Variants in CYFIP1 observed in about 807,000 individuals in gnomAD.
CYFIP1 encodes the protein cytoplasmic FMR1-interacting protein 1.
Under a neutral mutation model 163.5 loss-of-function variants are expected in CYFIP1, and 58 were observed. The observed-to-expected ratio is 0.35, with a 90% CI of 0.29 to 0.44. CYFIP1 has a LOEUF of 0.44. Among genes scored for constraint, CYFIP1 ranks in the 20% least tolerant of loss-of-function variants. The pLI is 1.00. For synonymous variants in CYFIP1, 663 were observed against 660.7 expected (o/e 1.00, Z -0.05); for missense variants, 1,338 against 1,653.8 (o/e 0.81, Z 3.31).
chr15:22,869,606 AACT>A lies in CYFIP1; in HGVS notation c.*419_*421del, dbSNP rs2059363669. Reference sequence around the variant, plus strand: ...AAAAGGGATGGGAACAATGACTTAGAACTAAGATTGCTCATAAAAGACCATCAG... The same window carrying A: ...AAAAGGGATGGGAACAATGACTTAGAAAGATTGCTCATAAAAGACCATCAG... On this transcript the variant is annotated 3_prime_UTR_variant, in exon 31 of 31. Transcript: ENST00000617928. 6.5e-6 allele frequency: 1 copy of A among 154,130 alleles called. No individual in the cohort carries two copies. The highest frequency in any genetic ancestry group is 6.5e-5 in the Admixed American group (1 of 15,316). The allele number at this position is 154,130 out of a possible 1,614,324, so 9.5% of individuals were successfully genotyped here. A position where few individuals can be genotyped will look rare whatever the true frequency, so the allele number is the denominator to read the frequency against.
At chr15:22,893,000 AG>A (rs2060121602) in intron 22 of CYFIP1, 23 bp from the exon 23 acceptor site, 1 of 1,571,292 alleles carries the variant, frequency 6.4e-7, no homozygotes, top group Non-Finnish European at 8.7e-7. Flanking sequence ...GATTTAAAAA[AG>A]AAAAAGAAAC....
chr15:22,910,878 A>G, intron 18 of CYFIP1, 65 bp from the exon 19 acceptor site: 1 of 1,417,042 alleles, frequency 7.1e-7, no homozygotes, highest in Non-Finnish European at 9.9e-7. Flanking sequence ...AACAAGGTGA[A>G]AAACAAAATG....
chr15:22,917,941 C>T lies in CYFIP1; in HGVS notation c.1527-6G>A. 3 of 1,612,866 alleles carry T rather than the reference C, an allele frequency of 1.9e-6. No homozygotes were observed. Among genetic ancestry groups the T allele is most frequent in the Non-Finnish European group, 2.5e-6 (3 of 1,179,522 alleles). On this transcript the variant is annotated splice_polypyrimidine_tract_variant and splice_region_variant and intron_variant, in intron 14 of 30. Transcript: ENST00000617928. The surrounding 1 kb of genome is among the most constrained non-coding windows in gnomAD (Gnocchi z 4.2). ...TCCTGATGGCCTGCAGGACACTGAA[C>T]ACCCCACCAAGTGATCAGCAAGGCC...
At chr15:22,937,474 G>A (rs1462254668) in intron 8 of CYFIP1, among the ~76,000 whole-genome samples, 2 of 152,186 alleles carry the variant, frequency 1.3e-5, no homozygotes, top group East Asian at 1.9e-4. Flanking sequence ...CCAAGCGGTA[G>A]GGATATTCTA....
At chr15:22,913,174 C>G (rs1203140816) in intron 17 of CYFIP1, among the ~76,000 whole-genome samples, 1 of 143,486 alleles carries the variant, frequency 7.0e-6, no homozygotes, top group East Asian at 2.1e-4. Context: ...CCAGCCTGGG[C>G]AATAGAGCAA....
chr15:22,940,252 C>A (rs2061785208), intron 6 of CYFIP1, among the ~76,000 whole-genome samples: 1 of 152,148 alleles, frequency 6.6e-6, no homozygotes, highest in African/African-American at 2.4e-5. Flanking sequence ...GGCTGATAAC[C>A]TACACCAACA....
chr15:22,942,305 G>T (rs1187437381), intron 6 of CYFIP1, among the ~76,000 whole-genome samples: 1 of 152,176 alleles, frequency 6.6e-6, no homozygotes, highest in East Asian at 1.9e-4. Context: ...AGGTCTCTTC[G>T]AATTTAATTT....
At chr15:22,935,966 G>A (rs2061698749) in intron 9 of CYFIP1, among the ~76,000 whole-genome samples, 1 of 152,162 alleles carries the variant, frequency 6.6e-6, no homozygotes, top group African/African-American at 2.4e-5. Context: ...TCTTAGGGGA[G>A]AATACATGTA....
rs894277509 is a variant in CYFIP1, at chr15:22,880,140, G to A, written c.2912-97C>T. 4.8e-5 allele frequency: 72 copies of A among 1,508,074 alleles called. No individual in the cohort carries two copies. In the East Asian group the frequency reaches 7.0e-4, roughly 15 times the overall value. 93.4% of individuals were successfully genotyped at this position (1,508,074 alleles called of 1,614,324 possible). A position where few individuals can be genotyped will look rare whatever the true frequency, so the allele number is the denominator to read the frequency against. On this transcript the variant is annotated intron_variant, in intron 25 of 30. Transcript: ENST00000617928. Reference sequence around the variant, plus strand: ...CAGGAGCACCTGCCGTTCTGACACCGCCATCAAGCCTGGCTATAAGGACAG... The same window carrying A: ...CAGGAGCACCTGCCGTTCTGACACCACCATCAAGCCTGGCTATAAGGACAG...
At chr15:22,943,456 CG>C in intron 5 of CYFIP1, 102 bp from the exon 6 acceptor site, 5 of 1,299,880 alleles carry the variant, frequency 3.8e-6, no homozygotes, top group Non-Finnish European at 5.3e-6. Context: ...CGATGAGAAA[CG>C]ATCTGCCCAG....
chr15:22,980,178 G>GGA (rs1555428505), intron 1 of CYFIP1, 109 bp downstream of exon 1: 8 of 8,176 alleles, frequency 9.8e-4, no homozygotes, highest in Non-Finnish European at 2.3e-3. Flanking sequence ...TTGGGGGGGA[G>GGA]GGGGGGGTCC....
At position 22,870,198 on chromosome 15, in the gene CYFIP1, A is replaced by AC. The variant is rs1378801651; in HGVS notation, c.3598-7dup. The AC allele has an allele frequency of 6.2e-7, 1 of 1,602,616 alleles. No homozygotes were observed. The highest frequency in any genetic ancestry group is 8.5e-7 in the Non-Finnish European group (1 of 1,176,158). ...TCCACCATCTTCTTCAAAGGCTACA[A>AC]CCATCAAAGTGAGGATGTTTTACTA... is the stretch of plus-strand genomic sequence containing the variant. On this transcript the variant is annotated splice_polypyrimidine_tract_variant and splice_region_variant and intron_variant, in intron 30 of 30. Coordinates refer to ENST00000617928, the MANE Select transcript of CYFIP1 (RefSeq NM_014608.6).
intron 1 of CYFIP1, among the ~76,000 whole-genome samples, chr15:22,962,816 C>T (rs181768437): frequency 8.6e-4 from 131 of 152,294 alleles, no homozygotes; most frequent in East Asian, 1.5e-3. Context: ...TATTACGAGA[C>T]GCATGCACGC....
intron 9 of CYFIP1, among the ~76,000 whole-genome samples, chr15:22,936,729 C>A (rs1222179239): frequency 2.0e-5 from 3 of 152,162 alleles, no homozygotes; most frequent in Non-Finnish European, 4.4e-5. Context: ...GAGAGCCCGC[C>A]AACATTGGAA....
At chr15:22,971,656 A>G (rs2063099800) in intron 1 of CYFIP1, among the ~76,000 whole-genome samples, 1 of 151,770 alleles carries the variant, frequency 6.6e-6, no homozygotes, top group East Asian at 1.9e-4. Flanking sequence ...AGCCTGAGCA[A>G]CAAGACCAAA....
chr15:22,914,221 G>GCAGGC (rs1354776576), intron 17 of CYFIP1, among the ~76,000 whole-genome samples: 2 of 152,080 alleles, frequency 1.3e-5, no homozygotes, highest in Admixed American at 1.3e-4. Context: ...ACCTCACAGG[G>GCAGGC]CCTGCACTAC....
rs967676403 is a variant in CYFIP1 at position 22,910,460 on chromosome 15, G to A, written c.2268+60C>T. 4.7e-4 allele frequency: 681 copies of A among 1,458,850 alleles called. 4 individuals carry two copies. Among genetic ancestry groups the A allele is most frequent in the Non-Finnish European group, 1.8e-4 (184 of 1,045,486 alleles). The allele number at this position is 1,458,850 out of a possible 1,614,324, so 90.4% of individuals were successfully genotyped here. A position where few individuals can be genotyped will look rare whatever the true frequency, so the allele number is the denominator to read the frequency against. On this transcript the variant is annotated intron_variant, in intron 20 of 30. Coordinates refer to ENST00000617928, the MANE Select transcript of CYFIP1 (RefSeq NM_014608.6). ...CAGGCGTGAGCCACCGCACCCAGCC[G>A]AAAACCCAGTCTTTTCAATGCACAC...
At chr15:22,915,157 A>G (rs2060929091) in intron 16 of CYFIP1, 1 of 305,304 alleles carries the variant, frequency 3.3e-6, no homozygotes, top group Non-Finnish European at 5.9e-6. Flanking sequence ...GACAGAGTCT[A>G]TCTCACTCTG....
Position 22,951,174 on chromosome 15 carries a change from T to C in CYFIP1, c.-6-3883A>G, listed in dbSNP as rs571983094. ...GCCACCCATTTTCTCAGGAACTGAC[T>C]GGAAATGAGGGAGAACAGAGGCACC... On this transcript the variant is annotated intron_variant, in intron 1 of 30. Transcript: ENST00000617928. 3.3e-5 allele frequency among the ~76,000 whole-genome samples: 5 copies of C among 152,174 alleles called. No individual in the cohort carries two copies. The South Asian group carries it at 8.3e-4, about 25-fold the overall frequency.
Sources: gnomAD v4.1 joint callset for allele counts (sites outside exome capture counted in the v4.1 genomes callset) on GRCh38, gnomAD v4.1.1 for gene constraint, Gnocchi (gnomAD v3.1) non-coding constraint, MANE v1.5 for transcripts, NCBI Gene and HGNC (gene_info 2026-07-23, HGNC 2026-07-21) for gene names.